The following CGGBP1 variants were observed in gnomAD, a reference collection of about 807,000 sequenced individuals.
The protein encoded by CGGBP1 is CGG triplet repeat binding protein 1, also known as CGG triplet repeat-binding protein 1.
Under a neutral mutation model 11.4 loss-of-function variants are expected in CGGBP1, and 4 were observed. The ratio of observed to expected loss-of-function variants is 0.35; its 90% CI spans 0.17 to 0.80. The LOEUF (loss-of-function observed/expected upper bound fraction) is 0.80. Among genes scored for constraint, CGGBP1 ranks in the 30% least tolerant of loss-of-function variants. The pLI, the probability that CGGBP1 is intolerant of heterozygous loss-of-function variation, is 0.52. For synonymous variants in CGGBP1, 76 were observed against 74.1 expected, an observed-to-expected ratio of 1.03 and a Z score of -0.13; for missense variants, 135 against 202.1, an observed-to-expected ratio of 0.67 and a Z score of 2.01.
At chr3:88,119,133 C>T (rs1172949773) in intron 2 of CGGBP1, among the ~76,000 whole-genome samples, 1 of 147,902 alleles carries the variant, frequency 6.8e-6, no homozygotes, top group African/African-American at 2.5e-5. Context: ...TTGGAACCAA[C>T]CCAAATGTCC....
At chr3:88,122,375 A>C (rs1481482091) in intron 2 of CGGBP1, among the ~76,000 whole-genome samples, 1 of 152,168 alleles carries the variant, frequency 6.6e-6, no homozygotes. Context: ...ATCCTATGAT[A>C]AACTGCTGAC....
chr3:88,091,928 A>G (rs758158066), intron 2 of CGGBP1, among the ~76,000 whole-genome samples: 5 of 152,218 alleles, frequency 3.3e-5, no homozygotes, highest in African/African-American at 4.8e-5. Context: ...TCATAGCAGT[A>G]TGAAAATGGA....
intron 2 of CGGBP1, among the ~76,000 whole-genome samples, chr3:88,113,996 A>G (rs759523730): frequency 6.6e-6 from 1 of 152,288 alleles, no homozygotes; most frequent in Non-Finnish European, 1.5e-5. Context: ...AGTATTTAAA[A>G]CTTACTAATT....
At chr3:88,106,488 C>T (rs1048375133) in intron 2 of CGGBP1, among the ~76,000 whole-genome samples, 5 of 151,930 alleles carry the variant, frequency 3.3e-5, no homozygotes, top group African/African-American at 1.2e-4. Flanking sequence ...CACATGTGTG[C>T]AGCCACCCCC....
rs76289195 is a variant in CGGBP1 at position 88,075,889 on chromosome 3, A to G, written c.-228-17666T>C. Among the ~76,000 whole-genome samples the G allele has an allele frequency of 3.9e-5, 6 of 152,322 alleles. No individual in the cohort carries two copies. In the East Asian group the frequency reaches 1.2e-3, roughly 29 times the overall value. On this transcript the variant is annotated intron_variant, in intron 2 of 3. Coordinates refer to the CGGBP1 transcript ENST00000462901. ...TCAAGCAAATTTTGCTCACTCTTGT[A>G]TCTGACTTAAGAAAAAAATCTTACC...
chr3:88,141,542 A>G lies in CGGBP1; in HGVS notation c.-337-464T>C, dbSNP rs1036537150. ...AGAGCTTGTCTGTCTACTAATATCA[A>G]TATCCTTTAAAATGACAGGGTATAA... On this transcript the variant is annotated intron_variant, in intron 1 of 3. Transcript: ENST00000462901. 72 of 806,992 alleles carry G rather than the reference A, an allele frequency of 8.9e-5. No individual in the cohort carries two copies. In the African/African-American group the frequency reaches 1.0e-3, roughly 11 times the overall value. 50.0% of individuals were successfully genotyped at this position (806,992 alleles called of 1,614,324 possible). A position where few individuals can be genotyped will look rare whatever the true frequency, so the allele number is the denominator to read the frequency against.
intron 2 of CGGBP1, among the ~76,000 whole-genome samples, chr3:88,112,445 CCTTT>C (rs913813698): frequency 1.3e-5 from 2 of 151,644 alleles, no homozygotes; most frequent in Non-Finnish European, 3.0e-5. Flanking sequence ...CATTCATGTT[CCTTT>C]CTTTATGAAT....
At chr3:88,146,273 T>C (rs1707310973) in intron 1 of CGGBP1, among the ~76,000 whole-genome samples, 1 of 152,202 alleles carries the variant, frequency 6.6e-6, no homozygotes, top group South Asian at 2.1e-4. Flanking sequence ...ATAAAGTTCT[T>C]TGTATTTCCC....
chr3:88,124,759 T>C (rs1164754047), intron 2 of CGGBP1, among the ~76,000 whole-genome samples: 1 of 131,762 alleles, frequency 7.6e-6, no homozygotes, highest in Non-Finnish European at 1.6e-5. Flanking sequence ...TTTTGATTGA[T>C]GTACAATACT....
At chr3:88,104,308 TC>T (rs1327075879) in intron 2 of CGGBP1, among the ~76,000 whole-genome samples, 3 of 152,182 alleles carry the variant, frequency 2.0e-5, no homozygotes, top group African/African-American at 7.2e-5. Flanking sequence ...ACATAACTGA[TC>T]ATCTAAAGCA....
chr3:88,090,762 G>A (rs1385201743), intron 2 of CGGBP1, among the ~76,000 whole-genome samples: 7 of 152,096 alleles, frequency 4.6e-5, no homozygotes, highest in Admixed American at 3.9e-4. Flanking sequence ...TTTACACCAG[G>A]GGTGTCCAAT....
intron 2 of CGGBP1, among the ~76,000 whole-genome samples, chr3:88,066,750 G>T (rs1707222966): frequency 6.6e-6 from 1 of 152,028 alleles, no homozygotes. Flanking sequence ...GAATTTTCTT[G>T]CTTTCCTGCC....
chr3:88,102,011 ACTGAGTT>A (rs1704454532), intron 2 of CGGBP1, among the ~76,000 whole-genome samples: 1 of 151,468 alleles, frequency 6.6e-6, no homozygotes, highest in Non-Finnish European at 1.5e-5. Context: ...TTGTCATCTT[ACTGAGTT>A]CTAAGAATTC....
At chr3:88,073,907 G>T (rs1322943347) in intron 2 of CGGBP1, among the ~76,000 whole-genome samples, 1 of 152,142 alleles carries the variant, frequency 6.6e-6, no homozygotes, top group African/African-American at 2.4e-5. Flanking sequence ...TCTCCTTTTA[G>T]TAATGTCTCA....
Position 88,086,110 on chromosome 3 carries a change from T to C in CGGBP1, c.-228-27887A>G. The C allele has an allele frequency of 6.8e-6, 4 of 590,764 alleles. 1 individual carries two copies. The South Asian group carries it at 1.1e-4, about 17-fold the overall frequency. 36.6% of individuals were successfully genotyped at this position (590,764 alleles called of 1,614,324 possible). A position where few individuals can be genotyped will look rare whatever the true frequency, so the allele number is the denominator to read the frequency against. On this transcript the variant is annotated intron_variant, in intron 2 of 3. Transcript: ENST00000462901. ...TATTTTCAGATATATATCGTCAAAA[T>C]AAACAGTATAGAAGATCCCTCCCTC...
intron 2 of CGGBP1, among the ~76,000 whole-genome samples, chr3:88,076,968 C>T (rs1243932883): frequency 1.3e-5 from 2 of 152,070 alleles, no homozygotes; most frequent in African/African-American, 4.8e-5. Flanking sequence ...TTAACCTTGG[C>T]CAGGAGCTGA....
rs78004514 is a variant in CGGBP1, at chr3:88,145,706, A to G, written c.-338+4005T>C. On this transcript the variant is annotated intron_variant, in intron 1 of 3. Transcript: ENST00000462901. ...TACATCAAGATTTGAAATAGAGTCA[A>G]TCCACTAATACTTGGAATAAAAATT... is the stretch of plus-strand genomic sequence containing the variant. 7.9e-4 allele frequency among the ~76,000 whole-genome samples: 120 copies of G among 152,280 alleles called. 2 individuals carry two copies. In the East Asian group the frequency reaches 0.022, roughly 27 times the overall value.
At chr3:88,129,074 A>G in intron 2 of CGGBP1, 1 of 1,235,196 alleles carries the variant, frequency 8.1e-7, no homozygotes, top group Non-Finnish European at 1.1e-6. Context: ...AACCAAAAAA[A>G]AAAAGTAGCC....
chr3:88,100,922 C>G (rs1167993069), intron 2 of CGGBP1, among the ~76,000 whole-genome samples: 1 of 152,184 alleles, frequency 6.6e-6, no homozygotes, highest in South Asian at 2.1e-4. Flanking sequence ...AACAAACCTG[C>G]ACGTTGTGCA....
Sources: gnomAD v4.1 joint callset for allele counts (sites outside exome capture counted in the v4.1 genomes callset) on GRCh38, gnomAD v4.1.1 for gene constraint, MANE v1.5 for transcripts, NCBI Gene and HGNC (gene_info 2026-07-23, HGNC 2026-07-21) for gene names.